Variants in CYP2F1 observed in about 807,000 individuals in gnomAD.
The protein encoded by CYP2F1 is cytochrome P450 2F1.
A neutral mutation model predicts 40.4 loss-of-function variants in CYP2F1; 33 were observed. The observed-to-expected ratio is 0.82, with a 90% confidence interval of 0.62 to 1.09. The LOEUF is 1.09. Among genes scored for constraint, CYP2F1 ranks in the 50% least tolerant of loss-of-function variants. The pLI is 0.00. For missense variants in CYP2F1, 566 were observed against 655.7 expected (o/e 0.86, Z 1.49); for synonymous variants, 235 against 277.2 (o/e 0.85, Z 1.51).
intron 8 of CYP2F1, chr19:41,125,192 C>G (rs2032481458): frequency 1.7e-6 from 1 of 587,062 alleles, no homozygotes; most frequent in Non-Finnish European, 2.9e-6. Flanking sequence ...CTGGAGGATC[C>G]CCTGGGCCTA....
At chr19:41,115,783 AAG>A (rs386809331) in intron 1 of CYP2F1, among the ~76,000 whole-genome samples, 2 of 138,700 alleles carry the variant, frequency 1.4e-5, no homozygotes, top group East Asian at 2.0e-4. Context: ...AAAAGAAAGA[AAG>A]AAAAAGAAAG....
chr19:41,123,879 T>C (rs2032376659), intron 7 of CYP2F1, among the ~76,000 whole-genome samples: 1 of 152,010 alleles, frequency 6.6e-6, no homozygotes. Flanking sequence ...TGCGTCCACC[T>C]CCGGCTTCAG....
rs573850680 is a variant in CYP2F1, at chr19:41,128,076, G to A, written c.1470G>A (p.Pro490=). ...GGCCTTTCCAGCTGTGCCTGCGCCC[G>A]CGCTAACGCCCCGGCCCTTCCAGAT... ...LPRPFQLCLR[P]R is the part of the protein sequence containing the mutation. The change falls in exon 10 of 10, where the codon CCG becomes CCA. Residue 490 remains proline, a synonymous_variant. Transcript: ENST00000331105. 7 of 1,603,166 alleles carry A rather than the reference G, an allele frequency of 4.4e-6. No individual in the cohort carries two copies. In the African/African-American group the frequency reaches 5.5e-5, roughly 13 times the overall value.
rs1555720775 is a variant in CYP2F1, at chr19:41,124,245, T to TCCCC, written c.965-467_965-464dup. On this transcript the variant is annotated intron_variant, in intron 7 of 9. Transcript: ENST00000331105. The stretch of plus-strand genomic sequence containing the variant: ...GCTAATTCTTTTTTTTTTTTCCTCT[T>TCCCC]CCCCCCCCCCTTTTTTTTTTTTTTT... Among the ~76,000 whole-genome samples the TCCCC allele has an allele frequency of 8.7e-4, 26 of 29,818 alleles. 2 individuals are homozygous for TCCCC. Among genetic ancestry groups the TCCCC allele is most frequent in the African/African-American group, 4.0e-3 (23 of 5,720 alleles). 19.6% of individuals were successfully genotyped at this position (29,818 alleles called of 152,430 possible).
At position 41,122,756 on chromosome 19, in the gene CYP2F1, T is replaced by C. The variant is rs549372427; in HGVS notation, c.823-66T>C. On this transcript the variant is annotated intron_variant, in intron 6 of 9. Coordinates refer to ENST00000331105, the MANE Select transcript of CYP2F1 (RefSeq NM_000774.5). ...GGACCGAATGGGCCCCCAGCAGCAG[T>C]TGTACTGGTCTAGAGTGAAGGGGCC... 7.6e-6 allele frequency: 11 copies of C among 1,453,782 alleles called. No homozygotes were observed. The East Asian group carries it at 1.7e-4, about 23-fold the overall frequency. The allele number at this position is 1,453,782 out of a possible 1,614,324, so 90.1% of individuals were successfully genotyped here.
chr19:41,120,663 G>C (rs147153805), intron 4 of CYP2F1, among the ~76,000 whole-genome samples, 167 bp downstream of exon 4: 281 of 151,776 alleles, frequency 1.9e-3, no homozygotes, highest in Non-Finnish European at 3.3e-3. Flanking sequence ...TAAATTTTTT[G>C]TAGAGACAGG....
At chr19:41,116,856 A>T (rs1303786229) in intron 3 of CYP2F1, among the ~76,000 whole-genome samples, 3 of 151,600 alleles carry the variant, frequency 2.0e-5, no homozygotes, top group African/African-American at 4.9e-5. Flanking sequence ...TCTCCATCCA[A>T]CCCCAACCCC....
chr19:41,123,936 C>T (rs1187466433), intron 7 of CYP2F1, among the ~76,000 whole-genome samples: 2 of 152,084 alleles, frequency 1.3e-5, no homozygotes, highest in African/African-American at 2.4e-5. Flanking sequence ...GGAACCCTAC[C>T]TCTCCCATGC....
rs1267706825 is a variant in CYP2F1, at chr19:41,116,522, G to T, written c.239G>T (p.Gly80Val). 1.9e-6 allele frequency: 3 copies of T among 1,614,014 alleles called. No homozygotes were observed. The South Asian group carries it at 3.3e-5, about 18-fold the overall frequency. ...CCCAGGCGGGTGGTGGTCCTCAGCG[G>T]GTACCAAGCTGTGAAGGAGGCCCTG... Reference protein sequence around the residue: ...LGPRRVVVLSGYQAVKEALVD... With the variant: ...LGPRRVVVLSVYQAVKEALVD... The change falls in exon 3 of 10, where the codon GGG (glycine) becomes GTG (valine). Residue 80 changes from glycine (G) to valine (V), a missense_variant. Gly to Val is a moderately radical substitution (Grantham distance 109). This residue lies in a region of CYP2F1 where 264 missense variants were observed against 275.7 expected (regional missense o/e 0.96). Transcript: ENST00000331105.
At chr19:41,125,206 G>A (rs2032482432) in intron 8 of CYP2F1, 3 of 593,710 alleles carry the variant, frequency 5.1e-6, no homozygotes, top group Admixed American at 3.4e-5. Context: ...GGGCCTAAAC[G>A]CTATTCTCAG....
intron 1 of CYP2F1, among the ~76,000 whole-genome samples, chr19:41,115,920 C>A (rs1250899115): frequency 2.0e-5 from 3 of 151,954 alleles, no homozygotes; most frequent in Admixed American, 1.3e-4. Context: ...TATCTCTTGG[C>A]CTCTCTTAGT....
chr19:41,119,651 T>C (rs1173635950), intron 3 of CYP2F1, among the ~76,000 whole-genome samples: 1 of 143,690 alleles, frequency 7.0e-6, no homozygotes, highest in Non-Finnish European at 1.5e-5. Context: ...ATTGTGCCAC[T>C]GCACTCCAGC....
chr19:41,123,232 C>T (rs1440279157), intron 7 of CYP2F1: 1 of 545,434 alleles, frequency 1.8e-6, no homozygotes, highest in Non-Finnish European at 3.5e-6. Flanking sequence ...GAGTCTGGCT[C>T]TGTCACCCAG....
intron 4 of CYP2F1, 116 bp from the exon 5 acceptor site, chr19:41,121,342 C>T (rs1209415561): frequency 1.9e-6 from 2 of 1,071,256 alleles, no homozygotes; most frequent in Non-Finnish European, 2.7e-6. Flanking sequence ...GTGTTTGCAC[C>T]GTAAGACACG....
chr19:41,121,754 T>C (rs1599677621), intron 5 of CYP2F1, 136 bp downstream of exon 5: 2 of 865,406 alleles, frequency 2.3e-6, no homozygotes, highest in Admixed American at 3.5e-5. Context: ...CCACCCAGAG[T>C]TACACGGCCA....
Position 41,127,990 on chromosome 19 carries a change from C to T in CYP2F1, c.1384C>T (p.Leu462=). The change falls in exon 10 of 10, where the codon CTG becomes TTG. Residue 462 remains leucine (L), a synonymous_variant. Transcript: ENST00000331105. ...CCTGCAGAGCTTTTCGCTGCAGCCG[C>T]TGGGTGCGCCCGAGGACATCGACCT... ...AILQSFSLQP[L]GAPEDIDLTP... is the part of the protein sequence containing the mutation. 2 of 1,613,450 alleles carry T rather than the reference C, an allele frequency of 1.2e-6. No individual in the cohort carries two copies. Among genetic ancestry groups the T allele is most frequent in the Non-Finnish European group, 1.7e-6 (2 of 1,180,002 alleles).
rs763777278 is a variant in CYP2F1, at chr19:41,122,075, C to T, written c.764C>T (p.Ser255Leu). 1.4e-5 allele frequency: 22 copies of T among 1,601,056 alleles called. No individual in the cohort carries two copies. In the East Asian group the frequency reaches 2.2e-4, roughly 16 times the overall value. ...IAHSVHDHQASLDPRSPRDFI... is the reference protein window; with the variant it reads ...IAHSVHDHQALLDPRSPRDFI... ...CACAGCGTCCACGACCACCAGGCCT[C>T]GCTAGACCCCAGATCTCCCCGGGAC... The change falls in exon 6 of 10, where the codon TCG (serine) becomes TTG (leucine). Residue 255 changes from serine (S) to leucine (L), a missense_variant. By Grantham distance (145) the Ser-to-Leu change is moderately radical. Around this residue, in one of 5 missense-constraint regions of CYP2F1, gnomAD observed 62 missense variants for 105.6 expected, o/e 0.59. Coordinates refer to ENST00000331105, the MANE Select transcript of CYP2F1 (RefSeq NM_000774.5).
At chr19:41,114,760 C>T (rs948249475) in intron 1 of CYP2F1, among the ~76,000 whole-genome samples, 11 of 149,382 alleles carry the variant, frequency 7.4e-5, no homozygotes, top group Non-Finnish European at 1.5e-4. Context: ...TCCTCTCTGT[C>T]TCCGTCTCTT....
At chr19:41,120,012 C>CTT (rs1401289607) in intron 3 of CYP2F1, among the ~76,000 whole-genome samples, 3 of 151,946 alleles carry the variant, frequency 2.0e-5, no homozygotes, top group Non-Finnish European at 4.4e-5. Context: ...CTGGACAATG[C>CTT]TAAGGACCCA....
Sources: allele counts gnomAD v4.1 joint callset (sites outside exome capture counted in the v4.1 genomes callset), GRCh38; gene constraint gnomAD v4.1.1; regional missense constraint gnomAD v4.1.1; transcripts MANE v1.5; gene names NCBI Gene and HGNC (gene_info 2026-07-23, HGNC 2026-07-21).